The following WRAP73 variants were observed in gnomAD, a reference collection of about 807,000 sequenced individuals.
The protein encoded by WRAP73 is WD repeat-containing protein WRAP73.
In WRAP73, 55 loss-of-function variants were observed where a neutral mutation model predicts 59.6. The observed-to-expected ratio is 0.92, with a 90% confidence interval of 0.74 to 1.15. WRAP73 has a LOEUF of 1.15. WRAP73 is among the 50% of genes most tolerant of loss of function. The pLI is 0.00. For missense variants in WRAP73, 592 were observed against 608.1 expected (o/e 0.97, Z 0.28); for synonymous variants, 265 against 258.2 (o/e 1.03, Z -0.25).
At chr1:3,649,311 G>C (rs544475795) in intron 1 of WRAP73, among the ~76,000 whole-genome samples, 55 of 152,330 alleles carry the variant, frequency 3.6e-4, no homozygotes, top group African/African-American at 1.1e-3. Context: ...CTTACCTGGG[G>C]ATAGAATACT....
chr1:3,631,482 C>T lies in WRAP73; in HGVS notation c.1224G>A (p.Val408=). The T allele has an allele frequency of 6.2e-7, 1 of 1,602,088 alleles. No individual in the cohort carries two copies. Among genetic ancestry groups the T allele is most frequent in the Non-Finnish European group, 8.5e-7 (1 of 1,174,566 alleles). The change falls in exon 11 of 12, where the codon GTG becomes GTA. Residue 408 remains valine, a synonymous_variant. Coordinates refer to ENST00000270708, the MANE Select transcript of WRAP73 (RefSeq NM_017818.4). ...YLWSPAGCMS[V]QVPGEGDFAV... is the part of the protein sequence containing the mutation. ...TGTGCTTACCTTCCCCAGGCACCTGCACCGACATGCAGCCCGCTGGGGACC... is the reference window on the plus strand; with the variant it reads ...TGTGCTTACCTTCCCCAGGCACCTGTACCGACATGCAGCCCGCTGGGGACC...
intron 4 of WRAP73, among the ~76,000 whole-genome samples, chr1:3,638,073 AT>A (rs2101961046): frequency 6.6e-6 from 1 of 152,334 alleles, no homozygotes; most frequent in South Asian, 2.1e-4. Flanking sequence ...TTGCATTCAA[AT>A]GCAATTTCCA....
intron 3 of WRAP73, among the ~76,000 whole-genome samples, chr1:3,642,815 C>A (rs1408288913): frequency 1.3e-5 from 2 of 151,514 alleles, no homozygotes; most frequent in African/African-American, 4.9e-5. Flanking sequence ...ACTACGTGAA[C>A]CTGCTTCATT....
chr1:3,646,272 T>TC lies in WRAP73; in HGVS notation c.339+393dup, dbSNP rs1644690557. Reference sequence around the variant, plus strand: ...CGCCAAAGAGAAGCCACAAAGTGCTTCCTTTAAATGACGAGCTGAAAGTTC... The same window carrying TC: ...CGCCAAAGAGAAGCCACAAAGTGCTTCCCTTTAAATGACGAGCTGAAAGTTC... On this transcript the variant is annotated intron_variant, in intron 3 of 11. Coordinates refer to ENST00000270708, the MANE Select transcript of WRAP73 (RefSeq NM_017818.4). This position sits in a 1 kb window ranked among gnomAD's most constrained non-coding sequence, Gnocchi z 5.1. 1.3e-5 allele frequency among the ~76,000 whole-genome samples: 2 copies of TC among 152,152 alleles called. No homozygotes were observed. The highest frequency in any genetic ancestry group is 4.8e-5 in the African/African-American group (2 of 41,434).
rs1262119468 is a variant in WRAP73 at position 3,650,053 on chromosome 1, G to A, written c.-54C>T. Reference sequence around the variant, plus strand: ...GCGCCCGAAAACCCGCGGGACCCCTGGGCGCGCAGCAGGCTGCAACAGCCG... The same window carrying A: ...GCGCCCGAAAACCCGCGGGACCCCTAGGCGCGCAGCAGGCTGCAACAGCCG... On this transcript the variant is annotated 5_prime_UTR_variant, in exon 1 of 12. Coordinates refer to ENST00000270708, the MANE Select transcript of WRAP73 (RefSeq NM_017818.4). 2.0e-6 allele frequency: 3 copies of A among 1,497,822 alleles called. No homozygotes were observed. The highest frequency in any genetic ancestry group is 2.6e-5 in the East Asian group (1 of 38,098). The allele number at this position is 1,497,822 out of a possible 1,614,324, so 92.8% of individuals were successfully genotyped here.
chr1:3,636,928 G>A, intron 5 of WRAP73, 67 bp downstream of exon 5: 1 of 1,477,210 alleles, frequency 6.8e-7, no homozygotes, highest in Non-Finnish European at 9.4e-7. Flanking sequence ...AATCTGGAAG[G>A]ATCTACTTCA....
chr1:3,636,049 G>A lies in WRAP73; in HGVS notation c.517-19C>T, dbSNP rs201814493. On this transcript the variant is annotated intron_variant, in intron 5 of 11. Coordinates refer to ENST00000270708, the MANE Select transcript of WRAP73 (RefSeq NM_017818.4). ...CAAAATGCTTCCAAAGGAAGGGGGGGAAACATTAAATTTGGAAAATATTTT... is the reference window on the plus strand; with the variant it reads ...CAAAATGCTTCCAAAGGAAGGGGGGAAAACATTAAATTTGGAAAATATTTT... 1.3e-5 allele frequency: 21 copies of A among 1,590,798 alleles called. No homozygotes were observed. The highest frequency in any genetic ancestry group is 8.1e-5 in the African/African-American group (6 of 74,050).
At chr1:3,649,509 G>C (rs560192594) in intron 1 of WRAP73, among the ~76,000 whole-genome samples, 2 of 152,238 alleles carry the variant, frequency 1.3e-5, no homozygotes, top group Admixed American at 6.5e-5. Context: ...CGGCACTGCC[G>C]ATACCCACCT....
chr1:3,646,524 C>A lies in WRAP73; in HGVS notation c.339+142G>T. ...ACAGGGTTTGGTACAATCTGAATCC[C>A]CTGGTGGTCTTAGAATGCATCCCCT... On this transcript the variant is annotated intron_variant, in intron 3 of 11. Coordinates refer to ENST00000270708, the MANE Select transcript of WRAP73 (RefSeq NM_017818.4). This position sits in a 1 kb window ranked among gnomAD's most constrained non-coding sequence, Gnocchi z 5.1. The A allele has an allele frequency of 1.6e-6, 1 of 641,818 alleles. No homozygotes were observed. The highest frequency in any genetic ancestry group is 2.7e-6 in the Non-Finnish European group (1 of 364,802). 39.8% of individuals were successfully genotyped at this position (641,818 alleles called of 1,614,324 possible). A position where few individuals can be genotyped will look rare whatever the true frequency, so the allele number is the denominator to read the frequency against.
intron 8 of WRAP73, 67 bp downstream of exon 8, chr1:3,634,930 G>C: frequency 1.3e-6 from 2 of 1,555,164 alleles, no homozygotes; most frequent in African/African-American, 1.4e-5. Context: ...AAAGCAAAGT[G>C]AAGGAGCAGT....
Position 3,646,897 on chromosome 1 carries a change from C to T in WRAP73, c.223-115G>A. 1.2e-6 allele frequency: 1 copy of T among 821,676 alleles called. No individual in the cohort carries two copies. The highest frequency in any genetic ancestry group is 2.4e-5 in the Admixed American group (1 of 41,068). 50.9% of individuals were successfully genotyped at this position (821,676 alleles called of 1,614,324 possible). A position where few individuals can be genotyped will look rare whatever the true frequency, so the allele number is the denominator to read the frequency against. On this transcript the variant is annotated intron_variant, in intron 2 of 11. Coordinates refer to ENST00000270708, the MANE Select transcript of WRAP73 (RefSeq NM_017818.4). The surrounding 1 kb of genome is among the most constrained non-coding windows in gnomAD (Gnocchi z 5.1). Reference sequence around the variant, plus strand: ...CGACCGCACAGGGTGTCTTCAAACTCATCAGCAGTCTATAGCGAGGCCTCG... The same window carrying T: ...CGACCGCACAGGGTGTCTTCAAACTTATCAGCAGTCTATAGCGAGGCCTCG...
Position 3,631,519 on chromosome 1 carries a change from C to G in WRAP73, c.1187G>C (p.Arg396Thr). The change falls in exon 11 of 12, where the codon AGG becomes ACG. Residue 396 changes from arginine to threonine, a missense_variant. Transcript: ENST00000270708. The stretch of plus-strand genomic sequence containing the variant: ...GCCCGCTGGGGACCACAGGTAGAGC[C>G]TGCTGCCTCCCGTGCAGATGGCCAG... Reference protein sequence around the residue: ...PRLAICTGGSRLYLWSPAGCM... With the variant: ...PRLAICTGGSTLYLWSPAGCM... 6.2e-7 allele frequency: 1 copy of G among 1,610,082 alleles called. No individual in the cohort carries two copies.
rs192765808 is a variant in WRAP73 at position 3,633,326 on chromosome 1, C to T, written c.922+72G>A. On this transcript the variant is annotated intron_variant, in intron 9 of 11. Transcript: ENST00000270708. ...TTTTTTTTTAAACATAAGGAACATC[C>T]GAAGTTTATCTGGACAACGAGGAAT... The T allele has an allele frequency of 2.1e-3, 2,986 of 1,429,632 alleles. 12 individuals carry two copies. Among genetic ancestry groups the T allele is most frequent in the South Asian group, 6.4e-3 (548 of 85,772 alleles). The allele number at this position is 1,429,632 out of a possible 1,614,324, so 88.6% of individuals were successfully genotyped here. A position where few individuals can be genotyped will look rare whatever the true frequency, so the allele number is the denominator to read the frequency against.
In WRAP73 at chr1:3,632,514, G is replaced by A. The variant is rs1644546554; in HGVS notation, c.923-176C>T. The A allele has an allele frequency of 4.0e-6, 4 of 995,248 alleles. No homozygotes were observed. The East Asian group carries it at 8.1e-5, about 20-fold the overall frequency. 61.7% of individuals were successfully genotyped at this position (995,248 alleles called of 1,614,324 possible). ...GCAAAGCCTGGCAGCCGCAGCGAGG[G>A]GCCTGCCCGCAAGTGCCCCGGATGA... On this transcript the variant is annotated intron_variant, in intron 9 of 11. Transcript: ENST00000270708.
rs1341692111 is a variant in WRAP73 at position 3,639,919 on chromosome 1, C to T, written c.340-1097G>A. Among the ~76,000 whole-genome samples, 3 of 152,160 alleles carry T rather than the reference C, an allele frequency of 2.0e-5. No homozygotes were observed. Among genetic ancestry groups the T allele is most frequent in the African/African-American group, 4.8e-5 (2 of 41,438 alleles). On this transcript the variant is annotated intron_variant, in intron 3 of 11. Transcript: ENST00000270708. The surrounding 1 kb of genome is among the most constrained non-coding windows in gnomAD (Gnocchi z 4.3). Reference sequence around the variant, plus strand: ...TCCAGCAGCGTAAGTGGGGCCGCAGCGTGTGGGGCACAGCATGTCCACAGT... The same window carrying T: ...TCCAGCAGCGTAAGTGGGGCCGCAGTGTGTGGGGCACAGCATGTCCACAGT...
At chr1:3,633,229 C>G (rs2101953836) in intron 9 of WRAP73, 169 bp downstream of exon 9, 1 of 689,976 alleles carries the variant, frequency 1.4e-6, no homozygotes, top group East Asian at 2.6e-5. Flanking sequence ...CTGCGCAATT[C>G]AGACCCTAGT....
At chr1:3,647,336 AC>A (rs1435083317) in intron 2 of WRAP73, 71 bp downstream of exon 2, 6 of 1,445,570 alleles carry the variant, frequency 4.2e-6, no homozygotes, top group Non-Finnish European at 5.5e-6. Context: ...CTAGAAAGGC[AC>A]AGAACAAAAC....
At chr1:3,649,807 G>C in intron 1 of WRAP73, 124 bp downstream of exon 1, 1 of 1,058,864 alleles carries the variant, frequency 9.4e-7, no homozygotes, top group East Asian at 3.0e-5. Flanking sequence ...CCCCGCACCT[G>C]TCCGGGCACC....
chr1:3,640,171 T>C (rs1396440865), intron 3 of WRAP73, among the ~76,000 whole-genome samples: 4 of 152,344 alleles, frequency 2.6e-5, no homozygotes, highest in Admixed American at 2.0e-4. Context: ...CCTGTGCTGA[T>C]GCTGAACCCG....
Sources: allele counts gnomAD v4.1 joint callset (sites outside exome capture counted in the v4.1 genomes callset), GRCh38; gene constraint gnomAD v4.1.1; non-coding constraint Gnocchi (gnomAD v3.1); transcripts MANE v1.5; gene names NCBI Gene and HGNC (gene_info 2026-07-23, HGNC 2026-07-21).